TSHR: variants seen among roughly 807,000 people sequenced by gnomAD.
The protein encoded by TSHR is thyroid stimulating hormone receptor.
In TSHR, 51 loss-of-function variants were observed where a neutral mutation model predicts 64.1. The ratio of observed to expected loss-of-function variants is 0.80; its 90% CI spans 0.64 to 1.01. The LOEUF is 1.01. TSHR is among the 50% of genes least tolerant of loss of function. The pLI, the probability that TSHR is intolerant of heterozygous loss-of-function variation, is 0.00. For synonymous variants in TSHR, 361 were observed against 361.9 expected, an observed-to-expected ratio of 1.00 and a Z score of 0.03; for missense variants, 877 against 942.8, an observed-to-expected ratio of 0.93 and a Z score of 0.91.
chr14:81,036,897 C>G (rs1375417164), intron 1 of TSHR, among the ~76,000 whole-genome samples: 1 of 152,128 alleles, frequency 6.6e-6, no homozygotes, highest in Non-Finnish European at 1.5e-5. Context: ...AATCCCAACA[C>G]TTTGGGAGGC....
intron 8 of TSHR, among the ~76,000 whole-genome samples, chr14:81,137,925 C>A (rs1595170210): frequency 1.3e-5 from 2 of 152,102 alleles, no homozygotes; most frequent in Non-Finnish European, 2.9e-5. Context: ...GGAAAGGCAA[C>A]CTAAGATGCT....
chr14:81,029,643 T>A (rs142285700), intron 1 of TSHR, among the ~76,000 whole-genome samples: 1 of 152,202 alleles, frequency 6.6e-6, no homozygotes, highest in African/African-American at 2.4e-5. Flanking sequence ...TTCTGTACTA[T>A]GTGGTAGAAA....
chr14:80,957,307 A>G (rs929057943), intron 1 of TSHR, among the ~76,000 whole-genome samples: 1 of 152,104 alleles, frequency 6.6e-6, no homozygotes. Context: ...CGTTCTCTGC[A>G]TGAACCTAAC....
At chr14:81,067,953 A>ATATATATATATATATC (rs566603342) in intron 2 of TSHR, among the ~76,000 whole-genome samples, 1 of 141,406 alleles carries the variant, frequency 7.1e-6, no homozygotes. Context: ...ATATATATAT[A>ATATATATATATATATC]TCGCTAAATA....
chr14:81,056,447 C>A (rs778580111), intron 1 of TSHR, among the ~76,000 whole-genome samples: 2 of 152,080 alleles, frequency 1.3e-5, no homozygotes, highest in African/African-American at 2.4e-5. Context: ...TATAAGTATA[C>A]TTATATACAC....
At chr14:81,047,278 A>G (rs1303708242) in intron 1 of TSHR, among the ~76,000 whole-genome samples, 2 of 148,482 alleles carry the variant, frequency 1.3e-5, no homozygotes, top group Non-Finnish European at 3.1e-5. Flanking sequence ...TTCAAATAAA[A>G]TTATTTTTTT....
Position 81,146,053 on chromosome 14 carries a change from A to G in TSHR, c.*1700A>G, listed in dbSNP as rs1282404538. 2 of 230,932 alleles carry G rather than the reference A, an allele frequency of 8.7e-6. No individual in the cohort carries two copies. The highest frequency in any genetic ancestry group is 1.7e-5 in the Non-Finnish European group (2 of 116,694). 14.3% of individuals were successfully genotyped at this position (230,932 alleles called of 1,614,324 possible). On this transcript the variant is annotated 3_prime_UTR_variant, in exon 10 of 10. Transcript: ENST00000298171. The stretch of plus-strand genomic sequence containing the variant: ...ACATCTTAATAGAAATATTATAAAC[A>G]TCGAAAATCATGACTTACCTAGAAG...
At chr14:80,961,748 G>T (rs144618191) in intron 1 of TSHR, among the ~76,000 whole-genome samples, 101 of 152,076 alleles carry the variant, frequency 6.6e-4, no homozygotes, top group African/African-American at 2.3e-3. Context: ...GTTCTTTATT[G>T]AGTTTTCTAT....
At chr14:81,013,081 C>T (rs1457263190) in intron 1 of TSHR, 1 of 151,974 alleles carries the variant, frequency 6.6e-6, no homozygotes, top group Non-Finnish European at 1.5e-5. Context: ...TTAGGTCTAA[C>T]GTTTAAGTCT....
intron 5 of TSHR, among the ~76,000 whole-genome samples, chr14:81,092,118 C>T (rs911739608): frequency 6.6e-6 from 1 of 152,246 alleles, no homozygotes; most frequent in Non-Finnish European, 1.5e-5. Flanking sequence ...AAGTGAAGGA[C>T]ATTTTAGAAA....
intron 1 of TSHR, among the ~76,000 whole-genome samples, chr14:81,056,236 C>A (rs988667136): frequency 6.6e-6 from 1 of 152,122 alleles, no homozygotes; most frequent in Non-Finnish European, 1.5e-5. Context: ...TCCTTAGCCA[C>A]ATGGTACTGT....
At chr14:81,066,800 G>A (rs1279555581) in intron 2 of TSHR, among the ~76,000 whole-genome samples, 1 of 152,126 alleles carries the variant, frequency 6.6e-6, no homozygotes, top group Non-Finnish European at 1.5e-5. Context: ...TAGTTTAATT[G>A]CATGTCCAGG....
rs545713655 is a variant in TSHR, at chr14:81,103,012, C to A, written c.615-5363C>A. 7.4e-5 allele frequency: 73 copies of A among 985,364 alleles called. No individual in the cohort carries two copies. The South Asian group carries it at 1.8e-3, about 24-fold the overall frequency. The allele number at this position is 985,364 out of a possible 1,614,324, so 61.0% of individuals were successfully genotyped here. ...CCATCATTCTACCCTAAGTTTCTGACTCCTAGTCAATAGAAATTTATTCTT... is the reference window on the plus strand; with the variant it reads ...CCATCATTCTACCCTAAGTTTCTGAATCCTAGTCAATAGAAATTTATTCTT... On this transcript the variant is annotated intron_variant, in intron 7 of 9. Transcript: ENST00000298171. The surrounding 1 kb of genome is among the most constrained non-coding windows in gnomAD (Gnocchi z 4.1).
intron 6 of TSHR, among the ~76,000 whole-genome samples, chr14:81,094,959 A>C (rs368986371): frequency 1.3e-5 from 2 of 152,148 alleles, no homozygotes; most frequent in South Asian, 2.1e-4. Flanking sequence ...AGGATAAGAC[A>C]GGTTGAGAAA....
In TSHR at chr14:81,062,128, T is replaced by C. The variant is rs768667564; in HGVS notation, c.171-20T>C. The C allele has an allele frequency of 8.8e-6, 14 of 1,598,734 alleles. No homozygotes were observed. The highest frequency in any genetic ancestry group is 3.3e-5 in the South Asian group (3 of 90,168). On this transcript the variant is annotated intron_variant, in intron 1 of 9. Coordinates refer to ENST00000298171, the MANE Select transcript of TSHR (RefSeq NM_000369.5). The stretch of plus-strand genomic sequence containing the variant: ...AGCCCAATGATTAAAACTCTAATTA[T>C]GTAACTGTTATTTTCACAGGAAGCT...
intron 1 of TSHR, among the ~76,000 whole-genome samples, chr14:81,029,140 C>T (rs1177355958): frequency 1.3e-5 from 2 of 151,872 alleles, no homozygotes; most frequent in Non-Finnish European, 2.9e-5. Flanking sequence ...GAATTAAAAA[C>T]CATAACAAAG....
chr14:80,956,909 G>A (rs570270502), intron 1 of TSHR, among the ~76,000 whole-genome samples: 21 of 152,274 alleles, frequency 1.4e-4, no homozygotes, highest in African/African-American at 5.1e-4. Flanking sequence ...TCTCCATGCT[G>A]CCACCACAGA....
intron 8 of TSHR, among the ~76,000 whole-genome samples, chr14:81,116,526 T>C (rs1372447207): frequency 1.5e-5 from 2 of 137,228 alleles, no homozygotes; most frequent in East Asian, 2.3e-4. Context: ...CCCAGATTCA[T>C]AAAGCAAGTC....
At chr14:80,979,000 T>C (rs1452123411) in intron 1 of TSHR, among the ~76,000 whole-genome samples, 4 of 152,272 alleles carry the variant, frequency 2.6e-5, no homozygotes, top group Non-Finnish European at 5.9e-5. Context: ...TTTCATCCAA[T>C]TGCTCACTAA....
Sources: gnomAD v4.1 joint callset for allele counts (sites outside exome capture counted in the v4.1 genomes callset) on GRCh38, gnomAD v4.1.1 for gene constraint, Gnocchi (gnomAD v3.1) non-coding constraint, MANE v1.5 for transcripts, NCBI Gene and HGNC (gene_info 2026-07-23, HGNC 2026-07-21) for gene names.